Variants in SUMF2 observed in about 807,000 individuals in gnomAD.
SUMF2 encodes the protein sulfatase modifying factor 2, also known as inactive C-alpha-formylglycine-generating enzyme 2.
Under a neutral mutation model 44.8 loss-of-function variants are expected in SUMF2, and 45 were observed. The observed-to-expected ratio is 1.00, with a 90% CI of 0.79 to 1.29. SUMF2 has a LOEUF of 1.29. Among genes scored for constraint, SUMF2 ranks in the 50% most tolerant of loss-of-function variants. The pLI is 0.00. For missense variants in SUMF2, 418 were observed against 389.9 expected (o/e 1.07, Z -0.61); for synonymous variants, 148 against 150.4 (o/e 0.98, Z 0.12).
At chr7:56,081,741 C>T, downstream of SUMF2, 2 of 1,613,666 alleles carry the variant, frequency 1.2e-6, no homozygotes, top group Non-Finnish European at 1.7e-6. This position sits in a 1 kb window ranked among gnomAD's most constrained non-coding sequence, Gnocchi z 4.6. Context: ...GTTGCACCAC[C>T]AGGAATCGGG....
chr7:56,081,899 C>A, downstream of SUMF2: 2 of 1,613,456 alleles, frequency 1.2e-6, no homozygotes, highest in Non-Finnish European at 1.7e-6. The surrounding 1 kb of genome is among the most constrained non-coding windows in gnomAD (Gnocchi z 4.6). Flanking sequence ...TCACCAGGTC[C>A]TTCACGGTGT....
downstream of SUMF2, among the ~76,000 whole-genome samples, chr7:56,083,988 GAATTTTTCCCCTGGAAA>G (rs1796142297): frequency 6.6e-6 from 1 of 152,122 alleles, no homozygotes; most frequent in Non-Finnish European, 1.5e-5. Flanking sequence ...TCCCCTGACT[GAATTTTTCCCCTGGAAA>G]AATTTTTCCC....
chr7:56,068,098 C>T (rs1308330895), intron 1 of SUMF2, among the ~76,000 whole-genome samples: 1 of 147,508 alleles, frequency 6.8e-6, no homozygotes, highest in Non-Finnish European at 1.5e-5. Flanking sequence ...CAGTGGCACA[C>T]TCTCGGCTCA....
rs1302130566 is a variant in SUMF2 at position 56,079,002 on chromosome 7, T to G, written c.821+494T>G. 7 of 620,296 alleles carry G rather than the reference T, an allele frequency of 1.1e-5. 1 individual carries two copies. Among genetic ancestry groups the G allele is most frequent in the Admixed American group, 2.3e-5 (1 of 43,838 alleles). The allele number at this position is 620,296 out of a possible 1,614,324, so 38.4% of individuals were successfully genotyped here. A position where few individuals can be genotyped will look rare whatever the true frequency, so the allele number is the denominator to read the frequency against. ...GCCTCAAACTGCCAGGCTCTAGCGA[T>G]TCTTCCACCTCAGCTCCTCAAGTAT... On this transcript the variant is annotated intron_variant, in intron 8 of 8. Coordinates refer to ENST00000434526, the MANE Select transcript of SUMF2 (RefSeq NM_015411.4).
At chr7:56,079,079 G>A in intron 8 of SUMF2, 1 of 530,854 alleles carries the variant, frequency 1.9e-6, no homozygotes, top group Non-Finnish European at 3.4e-6. Context: ...TTGCCATGCT[G>A]CCTAGGTTTG....
intron 2 of SUMF2, among the ~76,000 whole-genome samples, chr7:56,071,113 TC>T (rs1432977445): frequency 1.3e-5 from 2 of 152,160 alleles, no homozygotes; most frequent in African/African-American, 4.8e-5. Context: ...ATGCCTGTAG[TC>T]CCAACACTTT....
chr7:56,078,808 G>A (rs181214074), intron 8 of SUMF2: 255 of 432,346 alleles, frequency 5.9e-4, no homozygotes, highest in African/African-American at 4.5e-3. Flanking sequence ...CCACTAGGTG[G>A]GCAAAGGGAG....
the SUMF2 span, chr7:56,086,888 C>A: frequency 3.8e-6 from 4 of 1,065,018 alleles, no homozygotes; most frequent in South Asian, 2.5e-5. Flanking sequence ...TGGCTGTGGT[C>A]TCCAGGCAGC....
chr7:56,066,389 A>C (rs1794801610), intron 1 of SUMF2, among the ~76,000 whole-genome samples: 1 of 152,044 alleles, frequency 6.6e-6, no homozygotes, highest in Non-Finnish European at 1.5e-5. Flanking sequence ...TCTTTTTTGG[A>C]TCTTGGTTTG....
At chr7:56,077,708 C>T (rs1186421132) in intron 6 of SUMF2, among the ~76,000 whole-genome samples, 1 of 151,898 alleles carries the variant, frequency 6.6e-6, no homozygotes, top group African/African-American at 2.4e-5. Flanking sequence ...AAAGCACTGT[C>T]CTGAGAAGGC....
chr7:56,080,723 G>A, downstream of SUMF2: 1 of 353,456 alleles, frequency 2.8e-6, no homozygotes, highest in South Asian at 3.4e-5. Context: ...GAAAGCCTGA[G>A]TGTCAGTAAC....
rs562068597 is a variant in SUMF2 at position 56,068,796 on chromosome 7, G to A, written c.224+158G>A. ...TCGCTCACTGCAACCTCCACCTCCC[G>A]GGTTCAAGCAATTCTCCTGCCTTCG... On this transcript the variant is annotated intron_variant, in intron 2 of 8. Coordinates refer to ENST00000434526, the MANE Select transcript of SUMF2 (RefSeq NM_015411.4). 812 of 792,858 alleles carry A rather than the reference G, an allele frequency of 1.0e-3. 2 individuals carry two copies. The highest frequency in any genetic ancestry group is 1.3e-3 in the Non-Finnish European group (691 of 531,750). 49.1% of individuals were successfully genotyped at this position (792,858 alleles called of 1,614,324 possible).
intron 5 of SUMF2, among the ~76,000 whole-genome samples, chr7:56,075,655 C>T (rs939584177): frequency 2.9e-4 from 43 of 149,836 alleles, no homozygotes; most frequent in African/African-American, 1.0e-3. Flanking sequence ...GCCGAGATCA[C>T]GCCACTGCAC....
chr7:56,087,580 C>CT, the SUMF2 span: 7 of 1,608,040 alleles, frequency 4.4e-6, no homozygotes, highest in Non-Finnish European at 6.0e-6. Flanking sequence ...TGCCGTGTGG[C>CT]TTGGGGCCAT....
At chr7:56,065,239 G>GACCCCC (rs1217289263) in intron 1 of SUMF2, among the ~76,000 whole-genome samples, 2 of 146,154 alleles carry the variant, frequency 1.4e-5, no homozygotes, top group Non-Finnish European at 1.5e-5. Flanking sequence ...AACGAGGAAC[G>GACCCCC]ACCCCCGCCC....
chr7:56,064,400 C>T (rs1049523601), intron 1 of SUMF2, 22 bp downstream of exon 1: 15 of 1,591,468 alleles, frequency 9.4e-6, no homozygotes, highest in Non-Finnish European at 1.3e-5. Context: ...GGCCGTCCAT[C>T]CTGGGGGCGC....
chr7:56,064,320 G>GC lies in SUMF2; in HGVS notation c.10dup (p.His4ProfsTer26), dbSNP rs1183819219. On this transcript the variant is annotated frameshift_variant, in exon 1 of 9. Coordinates refer to ENST00000434526, the MANE Select transcript of SUMF2 (RefSeq NM_015411.4). LOFTEE classifies it high-confidence loss of function. ...GCAGCGCGGCAGTCCTGATGGCCCG[G>GC]CATGGGTTACCGCTGCTGCCCCTGC... is the stretch of plus-strand genomic sequence containing the variant. The GC allele has an allele frequency of 3.1e-6, 5 of 1,595,522 alleles. No homozygotes were observed. The African/African-American group carries it at 6.7e-5, about 21-fold the overall frequency.
chr7:56,082,888 G>A (rs988050669), downstream of SUMF2, among the ~76,000 whole-genome samples: 1 of 151,778 alleles, frequency 6.6e-6, no homozygotes, highest in Non-Finnish European at 1.5e-5. Context: ...CGGGCGGATC[G>A]TAAGGTCAGG....
intron 2 of SUMF2, 103 bp from the exon 3 acceptor site, chr7:56,072,894 G>A (rs1795271508): frequency 2.6e-6 from 2 of 762,408 alleles, no homozygotes; most frequent in South Asian, 1.6e-5. Context: ...ACTCTGTGGT[G>A]TATAACTTAC....
Sources: gnomAD v4.1 joint callset for allele counts (sites outside exome capture counted in the v4.1 genomes callset) on GRCh38, gnomAD v4.1.1 for gene constraint, Gnocchi (gnomAD v3.1) non-coding constraint, MANE v1.5 for transcripts, NCBI Gene and HGNC (gene_info 2026-07-23, HGNC 2026-07-21) for gene names.